KCNK9: variants seen among roughly 807,000 people sequenced by gnomAD.
The protein encoded by KCNK9 is potassium two pore domain channel subfamily K member 9.
A neutral mutation model predicts 10.8 loss-of-function variants in KCNK9; 1 was observed. That is an observed-to-expected ratio of 0.09 (90% confidence interval 0.03 to 0.44). The LOEUF (loss-of-function observed/expected upper bound fraction) is 0.44. KCNK9 is among the 20% of genes least tolerant of loss of function. The pLI, the probability that KCNK9 is intolerant of heterozygous loss-of-function variation, is 0.97. For missense variants in KCNK9, 303 were observed against 515.0 expected, an observed-to-expected ratio of 0.59 and a Z score of 3.98; for synonymous variants, 231 against 222.7, an observed-to-expected ratio of 1.04 and a Z score of -0.33.
intron 1 of KCNK9, among the ~76,000 whole-genome samples, chr8:139,625,445 T>A (rs577001769): frequency 4.3e-4 from 66 of 152,346 alleles, no homozygotes; most frequent in African/African-American, 1.5e-3. Context: ...CTGACTCAGC[T>A]GTGCAGATCC....
intron 1 of KCNK9, among the ~76,000 whole-genome samples, chr8:139,654,389 C>T (rs1320696383): frequency 6.6e-6 from 1 of 152,208 alleles, no homozygotes; most frequent in African/African-American, 2.4e-5. Flanking sequence ...CCCTGCCAGG[C>T]CTCCCAAGGA....
At chr8:139,619,475 AAAG>A (rs1563718149) in intron 1 of KCNK9, among the ~76,000 whole-genome samples, 1 of 152,186 alleles carries the variant, frequency 6.6e-6, no homozygotes, top group Non-Finnish European at 1.5e-5. Context: ...TAAAAAGAAA[AAAG>A]CAGATTCACT....
At chr8:139,631,832 A>T (rs959986972) in intron 1 of KCNK9, among the ~76,000 whole-genome samples, 6 of 151,824 alleles carry the variant, frequency 4.0e-5, no homozygotes, top group Admixed American at 2.0e-4. Context: ...TATTTTGTTT[A>T]AAAAAAAGTG....
At chr8:139,614,801 A>G (rs1026199263), downstream of KCNK9, among the ~76,000 whole-genome samples, 2 of 152,238 alleles carry the variant, frequency 1.3e-5, no homozygotes, top group Non-Finnish European at 2.9e-5. Context: ...ACTCTTTTCA[A>G]CTAAGAGTGC....
At chr8:139,674,503 T>C (rs1046204061) in intron 1 of KCNK9, among the ~76,000 whole-genome samples, 3 of 152,146 alleles carry the variant, frequency 2.0e-5, no homozygotes, top group African/African-American at 7.2e-5. Flanking sequence ...GCAACCTCTG[T>C]GAGGGGCAGG....
At chr8:139,698,388 G>T (rs1817118736) in intron 1 of KCNK9, among the ~76,000 whole-genome samples, 1 of 152,212 alleles carries the variant, frequency 6.6e-6, no homozygotes, top group Non-Finnish European at 1.5e-5. Context: ...GTAGGGCCTG[G>T]AGCAGAAAAC....
intron 1 of KCNK9, among the ~76,000 whole-genome samples, chr8:139,633,585 C>T (rs1815241991): frequency 6.6e-6 from 1 of 152,198 alleles, no homozygotes; most frequent in Non-Finnish European, 1.5e-5. Context: ...ATACGCTCAA[C>T]AGGCACACTC....
intron 1 of KCNK9, among the ~76,000 whole-genome samples, chr8:139,652,397 T>C (rs1464596106): frequency 6.6e-6 from 1 of 152,220 alleles, no homozygotes; most frequent in East Asian, 1.9e-4. Flanking sequence ...GCTCTGGGAT[T>C]CTGTGTCCTT....
chr8:139,685,746 T>C (rs770098133), intron 1 of KCNK9, among the ~76,000 whole-genome samples: 1 of 152,228 alleles, frequency 6.6e-6, no homozygotes, highest in Non-Finnish European at 1.5e-5. Flanking sequence ...TAAACATACA[T>C]GTGCATATGT....
chr8:139,647,585 C>G (rs1195414598), intron 1 of KCNK9, among the ~76,000 whole-genome samples: 1 of 152,262 alleles, frequency 6.6e-6, no homozygotes, highest in South Asian at 2.1e-4. Context: ...CCTGAGACAC[C>G]TACCTGCATG....
chr8:139,619,361 G>A lies in KCNK9; in HGVS notation c.284-262C>T, dbSNP rs559145966. Among the ~76,000 whole-genome samples, 301 of 152,202 alleles carry A rather than the reference G, an allele frequency of 2.0e-3. 13 individuals carry two copies. The South Asian group carries it at 0.06, about 31-fold the overall frequency. ...GTAGGGAGGGAGTTGGGATGTGCTGGGATGGAAGGGAAGAGAAAAAGAAGA... is the reference window on the plus strand; with the variant it reads ...GTAGGGAGGGAGTTGGGATGTGCTGAGATGGAAGGGAAGAGAAAAAGAAGA... On this transcript the variant is annotated intron_variant, in intron 1 of 1. Coordinates refer to ENST00000520439, the MANE Select transcript of KCNK9 (RefSeq NM_001282534.2).
At chr8:139,633,869 T>C (rs1296704486) in intron 1 of KCNK9, among the ~76,000 whole-genome samples, 1 of 152,228 alleles carries the variant, frequency 6.6e-6, no homozygotes, top group African/African-American at 2.4e-5. Context: ...ATGGCCTCCC[T>C]AAAGGCGGGG....
Position 139,703,110 on chromosome 8 carries a change from T to G in KCNK9, c.-118A>C. On this transcript the variant is annotated 5_prime_UTR_variant, in exon 1 of 2. Coordinates refer to ENST00000520439, the MANE Select transcript of KCNK9 (RefSeq NM_001282534.2). This position sits in a 1 kb window ranked among gnomAD's most constrained non-coding sequence, Gnocchi z 6.4. ...CTCCTCCGCCGCCGCCGCCGCCGCC[T>G]CCAAGTTGTAAGCGGCGGCGGCAGC... The G allele has an allele frequency of 2.5e-6, 2 of 814,888 alleles. No individual in the cohort carries two copies. The highest frequency in any genetic ancestry group is 3.2e-6 in the Non-Finnish European group (2 of 622,014). The allele number at this position is 814,888 out of a possible 1,614,324, so 50.5% of individuals were successfully genotyped here.
chr8:139,661,644 G>A (rs1033655460), intron 1 of KCNK9, among the ~76,000 whole-genome samples: 3 of 152,172 alleles, frequency 2.0e-5, no homozygotes, highest in Non-Finnish European at 4.4e-5. Flanking sequence ...TGACGGCCCA[G>A]CTCCAGGGAA....
chr8:139,684,464 A>C (rs908831234), intron 1 of KCNK9, among the ~76,000 whole-genome samples: 2 of 152,198 alleles, frequency 1.3e-5, no homozygotes, highest in African/African-American at 2.4e-5. Flanking sequence ...CATGTCAAAA[A>C]CTTTCCTAGA....
At chr8:139,623,959 G>C (rs948711032) in intron 1 of KCNK9, among the ~76,000 whole-genome samples, 1 of 152,120 alleles carries the variant, frequency 6.6e-6, no homozygotes, top group Non-Finnish European at 1.5e-5. Context: ...GTAAGATGAG[G>C]CTGCAGGAGG....
chr8:139,612,841 G>A (rs937308955), downstream of KCNK9, among the ~76,000 whole-genome samples: 2 of 152,144 alleles, frequency 1.3e-5, no homozygotes, highest in Admixed American at 6.5e-5. Context: ...GAAACAAGCA[G>A]AGGAGATCAC....
Position 139,618,451 on chromosome 8 carries a change from G to T in KCNK9, c.932C>A (p.Ser311Ter), listed in dbSNP as rs767838359. The change falls in exon 2 of 2, where the codon TCG becomes TAG. Residue 311 changes from serine (S) to a stop codon, truncating the protein, a stop_gained. Transcript: ENST00000520439. LOFTEE classifies it low-confidence loss of function (END_TRUNC). This position sits in a 1 kb window ranked among gnomAD's most constrained non-coding sequence, Gnocchi z 7.9. ...CYRSQDYGGR[S>*]VAPQNSFSAK... ...GCTGAAGGAGTTCTGCGGTGCCACC[G>T]AGCGGCCGCCATAGTCCTGCGAGCG... is the stretch of plus-strand genomic sequence containing the variant. 1 of 1,613,940 alleles carries T rather than the reference G, an allele frequency of 6.2e-7. No homozygotes were observed. Among genetic ancestry groups the T allele is most frequent in the Non-Finnish European group, 8.5e-7 (1 of 1,179,964 alleles).
intron 1 of KCNK9, among the ~76,000 whole-genome samples, chr8:139,658,567 CAA>C (rs1467043407): frequency 6.6e-6 from 1 of 152,228 alleles, no homozygotes; most frequent in Non-Finnish European, 1.5e-5. Context: ...CTCCACTGTA[CAA>C]AAGATACCAC....
Sources: gnomAD v4.1 joint callset for allele counts (sites outside exome capture counted in the v4.1 genomes callset) on GRCh38, gnomAD v4.1.1 for gene constraint, Gnocchi (gnomAD v3.1) non-coding constraint, MANE v1.5 for transcripts, NCBI Gene and HGNC (gene_info 2026-07-23, HGNC 2026-07-21) for gene names.